The following CACNA1G variants were observed in gnomAD, a reference collection of about 807,000 sequenced individuals.
The protein encoded by CACNA1G is voltage-dependent T-type calcium channel subunit alpha-1G.
A neutral mutation model predicts 219.4 loss-of-function variants in CACNA1G; 67 were observed. The observed-to-expected ratio is 0.31, with a 90% confidence interval of 0.25 to 0.37. The LOEUF is 0.37. Among genes scored for constraint, CACNA1G ranks in the 10% least tolerant of loss-of-function variants. The pLI is 1.00. For missense variants in CACNA1G, 2,380 were observed against 3,231.4 expected (o/e 0.74, Z 6.39); for synonymous variants, 1,296 against 1,345.3 (o/e 0.96, Z 0.80).
chr17:50,609,785 C>T (rs1165488790), intron 25 of CACNA1G, 97 bp from the exon 26 acceptor site: 5 of 1,026,194 alleles, frequency 4.9e-6, no homozygotes, highest in Non-Finnish European at 7.4e-6. Flanking sequence ...CACCCATAGG[C>T]AGAGTGAGGT....
rs765880336 is a variant in CACNA1G at position 50,601,159 on chromosome 17, T to C, written c.3900T>C (p.Ile1300=). The change falls in exon 19 of 38, where the codon ATT becomes ATC. Residue 1300 remains isoleucine, a synonymous_variant. Coordinates refer to ENST00000359106, the MANE Select transcript of CACNA1G (RefSeq NM_018896.5). ...CITIAMERPK[I]DPHSAERIFL... ...CCATCGCCATGGAGCGCCCCAAAAT[T>C]GACCCCCACAGCGCTGTGAGTCACC... is the stretch of plus-strand genomic sequence containing the variant. The C allele has an allele frequency of 2.5e-6, 4 of 1,613,826 alleles. No individual in the cohort carries two copies. In the South Asian group the frequency reaches 4.4e-5, roughly 18 times the overall value.
chr17:50,609,203 G>A (rs578210663), intron 25 of CACNA1G, among the ~76,000 whole-genome samples: 16 of 151,942 alleles, frequency 1.1e-4, no homozygotes, highest in Admixed American at 2.0e-4. Flanking sequence ...ACTCTGAGGC[G>A]GGGGGAGAGT....
chr17:50,619,060 G>GT, intron 33 of CACNA1G, 52 bp downstream of exon 33: 1 of 1,376,394 alleles, frequency 7.3e-7, no homozygotes, highest in Non-Finnish European at 9.7e-7. Context: ...GGAGAAGGGT[G>GT]TGGAGGGTGG....
chr17:50,578,473 G>T lies in CACNA1G; in HGVS notation c.2210G>T (p.Arg737Leu), dbSNP rs537429256. 2 of 1,595,646 alleles carry T rather than the reference G, an allele frequency of 1.3e-6. No individual in the cohort carries two copies. The highest frequency in any genetic ancestry group is 4.5e-5 in the East Asian group (2 of 44,566). ...TGGAGGCTAATCTGTGACACCTTCC[G>T]AAAGATTGTGGACAGCAAGTACTTT... is the stretch of plus-strand genomic sequence containing the variant. ...AFWRLICDTF[R>L]KIVDSKYFGR... The change falls in exon 9 of 38, where the codon CGA becomes CTA. Residue 737 changes from arginine (R) to leucine (L), a missense_variant. By Grantham distance (102) the Arg-to-Leu change is moderately radical. Transcript: ENST00000359106. The surrounding 1 kb of genome is among the most constrained non-coding windows in gnomAD (Gnocchi z 4.5).
chr17:50,599,756 A>G lies in CACNA1G; in HGVS notation c.3587A>G (p.His1196Arg), dbSNP rs2046236300. The G allele has an allele frequency of 1.2e-6, 2 of 1,613,622 alleles. No individual in the cohort carries two copies. Among genetic ancestry groups the G allele is most frequent in the Non-Finnish European group, 1.7e-6 (2 of 1,179,836 alleles). ...TASGRGSASE[H>R]QDCNGKSASG... ...AGTGGCCGAGGGTCTGCTTCTGAGC[A>G]CCAGGACTGCAATGGCAAGTCGGCT... Residue 1196 changes from histidine to arginine, a missense_variant, in exon 17 of 38, where the codon CAC becomes CGC. By Grantham distance (29) the His-to-Arg change is conservative. Transcript: ENST00000359106.
At chr17:50,622,189 A>G (rs1190606322) in intron 35 of CACNA1G, among the ~76,000 whole-genome samples, 1 of 14,418 alleles carries the variant, frequency 6.9e-5, no homozygotes, top group Non-Finnish European at 1.6e-4. Context: ...ACCCCACCCC[A>G]CCCCCCAACA....
chr17:50,625,850 G>A (rs1347646229), intron 37 of CACNA1G, among the ~76,000 whole-genome samples, 167 bp from the exon 38 acceptor site: 2 of 152,158 alleles, frequency 1.3e-5, no homozygotes, highest in Non-Finnish European at 2.9e-5. Flanking sequence ...CAGAGGTCAG[G>A]CTGCAATGAC....
At chr17:50,586,700 AG>A (rs1237254070) in intron 9 of CACNA1G, among the ~76,000 whole-genome samples, 1 of 152,210 alleles carries the variant, frequency 6.6e-6, no homozygotes, top group African/African-American at 2.4e-5. Context: ...TGAGAGGCAA[AG>A]GGAATTGCCC....
At position 50,618,644 on chromosome 17, in the gene CACNA1G, A is replaced by C. The variant is rs1598749549; in HGVS notation, c.5428-11A>C. The stretch of plus-strand genomic sequence containing the variant: ...CTCCCCAGCCTCACCCCTCTATTCC[A>C]CCCTCCCCAGGACACCCTCCGGGAC... On this transcript the variant is annotated splice_polypyrimidine_tract_variant and intron_variant, in intron 32 of 37. Transcript: ENST00000359106. This position sits in a 1 kb window ranked among gnomAD's most constrained non-coding sequence, Gnocchi z 5.3. 1 of 1,596,170 alleles carries C rather than the reference A, an allele frequency of 6.3e-7. No homozygotes were observed.
In CACNA1G at chr17:50,571,764, G is replaced by C; in HGVS notation, c.587-114G>C. 1 of 1,030,298 alleles carries C rather than the reference G, an allele frequency of 9.7e-7. No homozygotes were observed. The highest frequency in any genetic ancestry group is 2.5e-5 in the East Asian group (1 of 40,556). The allele number at this position is 1,030,298 out of a possible 1,614,324, so 63.8% of individuals were successfully genotyped here. A position where few individuals can be genotyped will look rare whatever the true frequency, so the allele number is the denominator to read the frequency against. ...TTGGTCTCCCCTCCAGCTTGAGCCGGGCCGTCTCAGCCTCAGAGTCCCTGG... is the reference window on the plus strand; with the variant it reads ...TTGGTCTCCCCTCCAGCTTGAGCCGCGCCGTCTCAGCCTCAGAGTCCCTGG... On this transcript the variant is annotated intron_variant, in intron 4 of 37. Transcript: ENST00000359106. This position sits in a 1 kb window ranked among gnomAD's most constrained non-coding sequence, Gnocchi z 4.3.
At chr17:50,606,125 C>T (rs767988820) in intron 23 of CACNA1G, 102 bp downstream of exon 23, 43 of 1,486,310 alleles carry the variant, frequency 2.9e-5, no homozygotes, top group Middle Eastern at 1.7e-4. Context: ...GTGGGCTCCA[C>T]GAAGAGATCA....
rs556329038 is a variant in CACNA1G, at chr17:50,591,070, C to T, written c.2454-365C>T. Among the ~76,000 whole-genome samples, 10 of 152,120 alleles carry T rather than the reference C, an allele frequency of 6.6e-5. No homozygotes were observed. The South Asian group carries it at 1.0e-3, about 16-fold the overall frequency. On this transcript the variant is annotated intron_variant, in intron 10 of 37. Coordinates refer to ENST00000359106, the MANE Select transcript of CACNA1G (RefSeq NM_018896.5). Reference sequence around the variant, plus strand: ...AGACCTTGGGAAAGTGCTCCGTCCCCGCAAGGCCTGGGGCCAGGAGAACCA... The same window carrying T: ...AGACCTTGGGAAAGTGCTCCGTCCCTGCAAGGCCTGGGGCCAGGAGAACCA...
chr17:50,605,834 C>T, intron 22 of CACNA1G, 64 bp from the exon 23 acceptor site: 2 of 1,592,980 alleles, frequency 1.3e-6, no homozygotes, highest in African/African-American at 1.3e-5. Flanking sequence ...GGGTGGGGCT[C>T]AGGAGTCCTG....
rs779353394 is a variant in CACNA1G, at chr17:50,624,414, T to C, written c.6284T>C (p.Leu2095Pro). 32 of 1,577,176 alleles carry C rather than the reference T, an allele frequency of 2.0e-5. No individual in the cohort carries two copies. The African/African-American group carries it at 3.0e-4, about 15-fold the overall frequency. ...GCAGATACCAGCTACATCCTGCAGC[T>C]TCCCAAAGATGCACCTCATCTGCTC... ...QPADTSYILQ[L>P]PKDAPHLLQP... Residue 2095 changes from leucine to proline, a missense_variant, in exon 37 of 38, where the codon CTT (leucine) becomes CCT (proline). Leu to Pro is a moderately conservative substitution (Grantham distance 98, BLOSUM62 -3). Coordinates refer to ENST00000359106, the MANE Select transcript of CACNA1G (RefSeq NM_018896.5).
chr17:50,618,974 G>A lies in CACNA1G; in HGVS notation c.5747G>A (p.Arg1916Lys), dbSNP rs572558353. Residue 1916 changes from arginine (R) to lysine (K), a missense_variant, in exon 33 of 38, where the codon AGA becomes AAA. Physicochemically the swap from Arg to Lys is conservative, Grantham distance 26 (BLOSUM62 2). Around this residue, in one of 17 missense-constraint regions of CACNA1G, gnomAD observed 672 missense variants for 670.5 expected, o/e 1.00. Coordinates refer to ENST00000359106, the MANE Select transcript of CACNA1G (RefSeq NM_018896.5). The surrounding 1 kb of genome is among the most constrained non-coding windows in gnomAD (Gnocchi z 5.3). The part of the protein sequence containing the change: ...PGALHPAAHA[R>K]SASHFSLEHP... Reference sequence around the variant, plus strand: ...GCTCTGCACCCAGCGGCCCACGCGAGATCAGCCTCCCACTTTTCCCTGGAG... The same window carrying A: ...GCTCTGCACCCAGCGGCCCACGCGAAATCAGCCTCCCACTTTTCCCTGGAG... 2.6e-6 allele frequency: 4 copies of A among 1,547,460 alleles called. No individual in the cohort carries two copies. The African/African-American group carries it at 5.5e-5, about 21-fold the overall frequency.
intron 1 of CACNA1G, among the ~76,000 whole-genome samples, chr17:50,566,764 A>G (rs1395103210): frequency 6.6e-6 from 1 of 152,248 alleles, no homozygotes; most frequent in African/African-American, 2.4e-5. Flanking sequence ...GCTCCGTGCC[A>G]GGCACTACAG....
intron 22 of CACNA1G, 39 bp from the exon 23 acceptor site, chr17:50,605,857 TCA>T: frequency 6.2e-7 from 1 of 1,611,110 alleles, no homozygotes; most frequent in Admixed American, 1.7e-5. Flanking sequence ...CTTCCTGTGG[TCA>T]CAGCTCACTT....
In CACNA1G at chr17:50,603,643, A is replaced by G. The variant is rs1264982682; in HGVS notation, c.4169+444A>G. ...CTGCCAGTGACCACCCCCCGGTGAC[A>G]TTTCTCCTGACCAGGGATCCACCCT... On this transcript the variant is annotated intron_variant, in intron 21 of 37. Transcript: ENST00000359106. The surrounding 1 kb of genome is among the most constrained non-coding windows in gnomAD (Gnocchi z 6.4). Among the ~76,000 whole-genome samples the G allele has an allele frequency of 7.0e-6, 1 of 143,850 alleles. No homozygotes were observed. Among genetic ancestry groups the G allele is most frequent in the African/African-American group, 2.6e-5 (1 of 38,372 alleles). 94.4% of individuals were successfully genotyped at this position (143,850 alleles called of 152,430 possible).
Position 50,618,191 on chromosome 17 carries a change from T to G in CACNA1G, c.5306-31T>G. The G allele has an allele frequency of 3.1e-6, 5 of 1,613,032 alleles. No individual in the cohort carries two copies. The highest frequency in any genetic ancestry group is 4.2e-6 in the Non-Finnish European group (5 of 1,179,178). On this transcript the variant is annotated intron_variant, in intron 31 of 37. Coordinates refer to ENST00000359106, the MANE Select transcript of CACNA1G (RefSeq NM_018896.5). This position sits in a 1 kb window ranked among gnomAD's most constrained non-coding sequence, Gnocchi z 5.3. Reference sequence around the variant, plus strand: ...AGACCAGGGGGCTCCTGGACTAACATGGGCCTCTCCCCCTTTCCCTCCTCC... The same window carrying G: ...AGACCAGGGGGCTCCTGGACTAACAGGGGCCTCTCCCCCTTTCCCTCCTCC...
Sources: gnomAD v4.1 joint callset for allele counts (sites outside exome capture counted in the v4.1 genomes callset) on GRCh38, gnomAD v4.1.1 for gene constraint, gnomAD v4.1.1 regional missense constraint, Gnocchi (gnomAD v3.1) non-coding constraint, MANE v1.5 for transcripts, NCBI Gene and HGNC (gene_info 2026-07-23, HGNC 2026-07-21) for gene names.